BICC1: variants seen among roughly 807,000 people sequenced by gnomAD.
BICC1 encodes BicC family RNA binding protein 1.
BICC1 carries 43 observed loss-of-function variants against 111.0 expected under a neutral mutation model. The observed-to-expected ratio is 0.39, with a 90% CI of 0.30 to 0.50. The LOEUF is 0.50. BICC1 is among the 20% of genes least tolerant of loss of function. The pLI, the probability that BICC1 is intolerant of heterozygous loss-of-function variation, is 0.88. For synonymous variants in BICC1, 467 were observed against 434.4 expected (o/e 1.07, Z -0.93); for missense variants, 1,091 against 1,203.2 (o/e 0.91, Z 1.38).
intron 1 of BICC1, among the ~76,000 whole-genome samples, chr10:58,570,671 C>G (rs1482211110): frequency 6.6e-6 from 1 of 152,114 alleles, no homozygotes; most frequent in Non-Finnish European, 1.5e-5. Context: ...TTTGAGTCAG[C>G]AGAGCTTGCA....
intron 1 of BICC1, among the ~76,000 whole-genome samples, chr10:58,572,961 T>C (rs1844005627): frequency 1.3e-5 from 2 of 152,214 alleles, no homozygotes; most frequent in African/African-American, 2.4e-5. Flanking sequence ...TTCTGTCATA[T>C]AGGTATTTTG....
intron 2 of BICC1, among the ~76,000 whole-genome samples, chr10:58,661,202 C>T (rs1050830506): frequency 8.2e-5 from 9 of 110,282 alleles, no homozygotes; most frequent in South Asian, 3.5e-4. Context: ...GCTCGCATAT[C>T]GAGCTTGAAT....
intron 3 of BICC1, among the ~76,000 whole-genome samples, chr10:58,775,485 T>C (rs1842726794): frequency 6.6e-6 from 1 of 152,182 alleles, no homozygotes; most frequent in Admixed American, 6.5e-5. Flanking sequence ...AATTGTTAGC[T>C]CTTAGGTAAC....
chr10:58,669,628 A>G lies in BICC1; in HGVS notation c.238-32446A>G, dbSNP rs554137831. ...CATGCAAAAATACGTTGAGTAACAT[A>G]ATGTGACATTTGAGATGCCAGTGAT... On this transcript the variant is annotated intron_variant, in intron 2 of 20. Coordinates refer to ENST00000373886, the MANE Select transcript of BICC1 (RefSeq NM_001080512.3). Among the ~76,000 whole-genome samples, 13 of 152,256 alleles carry G rather than the reference A, an allele frequency of 8.5e-5. No homozygotes were observed. The East Asian group carries it at 2.1e-3, about 25-fold the overall frequency.
chr10:58,647,225 AT>A (rs1448868402), intron 2 of BICC1, among the ~76,000 whole-genome samples: 1 of 152,196 alleles, frequency 6.6e-6, no homozygotes, highest in Non-Finnish European at 1.5e-5. Flanking sequence ...ACATCAAAAA[AT>A]ATCATTGTTT....
intron 1 of BICC1, among the ~76,000 whole-genome samples, chr10:58,530,452 C>T (rs1370949396): frequency 6.6e-6 from 1 of 151,734 alleles, no homozygotes; most frequent in Non-Finnish European, 1.5e-5. Context: ...CCTGCCTTTC[C>T]TGCGATTCTG....
intron 3 of BICC1, among the ~76,000 whole-genome samples, chr10:58,770,611 T>G (rs983394177): frequency 6.6e-6 from 1 of 152,108 alleles, no homozygotes; most frequent in Non-Finnish European, 1.5e-5. Flanking sequence ...AACACTGATA[T>G]AATACAACTA....
rs547189040 is a variant in BICC1, at chr10:58,603,380, G to A, written c.191-17475G>A. 2.6e-4 allele frequency among the ~76,000 whole-genome samples: 40 copies of A among 152,276 alleles called. 1 individual carries two copies. The South Asian group carries it at 8.3e-3, about 32-fold the overall frequency. Reference sequence around the variant, plus strand: ...GTCACAATGCTTGAGACTTACCTGTGTGTAAAATTTACCTGGCATGCTTGC... The same window carrying A: ...GTCACAATGCTTGAGACTTACCTGTATGTAAAATTTACCTGGCATGCTTGC... On this transcript the variant is annotated intron_variant, in intron 1 of 20. Transcript: ENST00000373886.
At chr10:58,574,976 T>A (rs1844065850) in intron 1 of BICC1, among the ~76,000 whole-genome samples, 1 of 152,086 alleles carries the variant, frequency 6.6e-6, no homozygotes, top group Non-Finnish European at 1.5e-5. Context: ...AAAAAATGAC[T>A]CAGTATAATT....
intron 3 of BICC1, among the ~76,000 whole-genome samples, chr10:58,779,480 A>G (rs1842829412): frequency 6.6e-6 from 1 of 152,226 alleles, no homozygotes; most frequent in Non-Finnish European, 1.5e-5. Context: ...AACATTTTAG[A>G]TTTTAAGTGA....
intron 2 of BICC1, among the ~76,000 whole-genome samples, chr10:58,677,695 G>T (rs1342769749): frequency 1.3e-5 from 2 of 152,010 alleles, no homozygotes; most frequent in East Asian, 3.9e-4. Flanking sequence ...GAAATACAGA[G>T]AACACCACAA....
rs1843457905 is a variant in BICC1 at position 58,799,203 on chromosome 10, T to A, written c.1676T>A (p.Met559Lys). 6.2e-7 allele frequency: 1 copy of A among 1,613,214 alleles called. No homozygotes were observed. Among genetic ancestry groups the A allele is most frequent in the Admixed American group, 1.7e-5 (1 of 59,904 alleles). The change falls in exon 12 of 21, where the codon ATG becomes AAG. Residue 559 changes from methionine (M) to lysine (K), a missense_variant. Transcript: ENST00000373886. ...LTPVDVHINS[M>K]QTEGKKISAA... The stretch of plus-strand genomic sequence containing the variant: ...CCTGTTGATGTCCATATCAACAGTA[T>A]GCAGACCGAAGGCAAAAAAATCTCT...
intron 1 of BICC1, among the ~76,000 whole-genome samples, chr10:58,606,656 C>T (rs890950941): frequency 2.0e-5 from 3 of 152,128 alleles, no homozygotes; most frequent in African/African-American, 7.2e-5. Context: ...AATTCTGACA[C>T]TATTCTAATC....
intron 3 of BICC1, among the ~76,000 whole-genome samples, chr10:58,712,398 A>T (rs969006852): frequency 6.6e-6 from 1 of 152,230 alleles, no homozygotes; most frequent in African/African-American, 2.4e-5. Context: ...AAACCTGCAC[A>T]TGGAACAGAA....
intron 1 of BICC1, among the ~76,000 whole-genome samples, chr10:58,521,609 A>G (rs1349060236): frequency 6.6e-6 from 1 of 151,902 alleles, no homozygotes; most frequent in East Asian, 1.9e-4. Flanking sequence ...CCCACAGTCC[A>G]TTATTAGAAA....
chr10:58,769,023 G>A (rs1842536474), intron 3 of BICC1, among the ~76,000 whole-genome samples: 1 of 151,984 alleles, frequency 6.6e-6, no homozygotes, highest in African/African-American at 2.4e-5. Flanking sequence ...TATGTTAAGC[G>A]AAATAAACCA....
intron 2 of BICC1, among the ~76,000 whole-genome samples, chr10:58,651,112 C>A (rs1443026846): frequency 1.3e-5 from 2 of 152,172 alleles, no homozygotes; most frequent in Admixed American, 6.5e-5. Context: ...ATTGCTACCA[C>A]GCTCTAAGCT....
rs978719695 is a variant in BICC1, at chr10:58,733,996, G to C, written c.307+31853G>C. ...AAGACAAGTAGTAGCCACCTCTTAAGGGATTTGTATTGATCTCTGCCCTAG... is the reference window on the plus strand; with the variant it reads ...AAGACAAGTAGTAGCCACCTCTTAACGGATTTGTATTGATCTCTGCCCTAG... On this transcript the variant is annotated intron_variant, in intron 3 of 20. Transcript: ENST00000373886. Among the ~76,000 whole-genome samples, 3 of 152,200 alleles carry C rather than the reference G, an allele frequency of 2.0e-5. No individual in the cohort carries two copies. In the East Asian group the frequency reaches 5.8e-4, roughly 29 times the overall value.
At chr10:58,523,417 G>A (rs1271412242) in intron 1 of BICC1, among the ~76,000 whole-genome samples, 1 of 152,156 alleles carries the variant, frequency 6.6e-6, no homozygotes, top group Admixed American at 6.6e-5. Flanking sequence ...ATCAATAAAC[G>A]TAATCCAACG....
Sources: allele counts gnomAD v4.1 joint callset (sites outside exome capture counted in the v4.1 genomes callset), GRCh38; gene constraint gnomAD v4.1.1; transcripts MANE v1.5; gene names NCBI Gene and HGNC (gene_info 2026-07-23, HGNC 2026-07-21).